The following POU6F2 variants were observed in gnomAD, a reference collection of about 807,000 sequenced individuals.
POU6F2 encodes POU class 6 homeobox 2, also known as POU domain, class 6, transcription factor 2.
In POU6F2, 31 loss-of-function variants were observed where a neutral mutation model predicts 71.3. That is an observed-to-expected ratio of 0.43 (90% CI 0.33 to 0.59). POU6F2 has a LOEUF of 0.59. POU6F2 is among the 20% of genes least tolerant of loss of function. The pLI, the probability that POU6F2 is intolerant of heterozygous loss-of-function variation, is 0.04. For synonymous variants in POU6F2, 347 were observed against 355.7 expected (o/e 0.98, Z 0.27); for missense variants, 783 against 856.8 (o/e 0.91, Z 1.07).
At position 39,226,392 on chromosome 7, in the gene POU6F2, T is replaced by C. The variant is rs555814429; in HGVS notation, c.598+18772T>C. Among the ~76,000 whole-genome samples, 3 of 152,338 alleles carry C rather than the reference T, an allele frequency of 2.0e-5. No homozygotes were observed. The South Asian group carries it at 6.2e-4, about 32-fold the overall frequency. On this transcript the variant is annotated intron_variant, in intron 4 of 9. Coordinates refer to ENST00000518318, the MANE Select transcript of POU6F2 (RefSeq NM_001370959.1). The stretch of plus-strand genomic sequence containing the variant: ...TCCTATAATATGACTCATTGCACTT[T>C]TTTCAGCTACTGTTGTTGAATGCAT...
rs35704977 is a variant in POU6F2 at position 39,291,015 on chromosome 7, G to GA, written c.599-48607dup. On this transcript the variant is annotated intron_variant, in intron 4 of 9. Transcript: ENST00000518318. Reference sequence around the variant, plus strand: ...CTAATATTTAGAGGCAAAGAGGACAGAAAAAAAAAAAAAAAAAAAAGCACA... The same window carrying GA: ...CTAATATTTAGAGGCAAAGAGGACAGAAAAAAAAAAAAAAAAAAAAAGCACA... Among the ~76,000 whole-genome samples, 309 of 122,370 alleles carry GA rather than the reference G, an allele frequency of 2.5e-3. 4 individuals are homozygous for GA. Among genetic ancestry groups the GA allele is most frequent in the African/African-American group, 9.0e-3 (288 of 31,952 alleles). The allele number at this position is 122,370 out of a possible 152,430, so 80.3% of individuals were successfully genotyped here.
chr7:39,419,094 TATATATACACATATATAC>T (rs1787778714), intron 6 of POU6F2, among the ~76,000 whole-genome samples: 1 of 74,192 alleles, frequency 1.3e-5, no homozygotes, highest in Non-Finnish European at 2.7e-5. Context: ...CGTATATGTG[TATATATACACATATATAC>T]GTATATATGT....
chr7:39,462,724 C>T (rs73370943), intron 9 of POU6F2, among the ~76,000 whole-genome samples: 1,555 of 152,294 alleles, frequency 0.01, 24 homozygotes, highest in African/African-American at 0.036. Flanking sequence ...GATCAGTTCA[C>T]TCTGTATTGA....
chr7:39,406,823 A>T (rs1190525472), intron 6 of POU6F2, 83 bp downstream of exon 6: 1 of 1,520,678 alleles, frequency 6.6e-7, no homozygotes, highest in Non-Finnish European at 9.0e-7. Flanking sequence ...CATGACAGTG[A>T]TATGTAACCG....
At chr7:39,360,163 T>C (rs1412318186) in intron 5 of POU6F2, among the ~76,000 whole-genome samples, 2 of 152,222 alleles carry the variant, frequency 1.3e-5, no homozygotes, top group African/African-American at 2.4e-5. Context: ...TTATTTAGAA[T>C]TGCATTTTCA....
intron 2 of POU6F2, among the ~76,000 whole-genome samples, chr7:39,150,455 A>G (rs901128139): frequency 6.8e-6 from 1 of 146,976 alleles, no homozygotes; most frequent in African/African-American, 2.5e-5. Context: ...CAGCTGTACC[A>G]AGCTACATTT....
At chr7:39,161,743 A>G (rs1793003223) in intron 2 of POU6F2, among the ~76,000 whole-genome samples, 1 of 152,204 alleles carries the variant, frequency 6.6e-6, no homozygotes, top group Non-Finnish European at 1.5e-5. Flanking sequence ...CAAATCAGGG[A>G]AGAACATCCG....
chr7:39,294,381 A>G (rs1784812771), intron 4 of POU6F2, among the ~76,000 whole-genome samples: 1 of 148,060 alleles, frequency 6.8e-6, no homozygotes, highest in Admixed American at 6.7e-5. Flanking sequence ...GGCAAAAACC[A>G]CAATTACTTT....
At chr7:39,333,396 G>T (rs1785698350) in intron 4 of POU6F2, among the ~76,000 whole-genome samples, 1 of 151,968 alleles carries the variant, frequency 6.6e-6, no homozygotes, top group African/African-American at 2.4e-5. Flanking sequence ...TCCAACCAAT[G>T]ATCTTGTTTC....
Position 39,014,003 on chromosome 7 carries a change from G to A in POU6F2, c.105+35945G>A, listed in dbSNP as rs1789404745. ...TTCAGAGGAATGAGAGAGTCCTCAT[G>A]AGTTGCAAAAAGAAAAACCATAGGC... On this transcript the variant is annotated intron_variant, in intron 1 of 9. Transcript: ENST00000518318. 2.6e-5 allele frequency among the ~76,000 whole-genome samples: 4 copies of A among 152,274 alleles called. No individual in the cohort carries two copies. In the South Asian group the frequency reaches 8.3e-4, roughly 32 times the overall value.
At chr7:39,232,407 A>C (rs1480780929) in intron 4 of POU6F2, among the ~76,000 whole-genome samples, 1 of 152,224 alleles carries the variant, frequency 6.6e-6, no homozygotes, top group African/African-American at 2.4e-5. Context: ...ATGAATGATC[A>C]AAGTTATCAA....
chr7:39,158,735 A>G (rs73365551), intron 2 of POU6F2, among the ~76,000 whole-genome samples: 2,619 of 152,240 alleles, frequency 0.017, 67 homozygotes, highest in African/African-American at 0.06. Flanking sequence ...GCCCACCCAC[A>G]TTGGATGAGG....
chr7:39,377,650 C>T (rs1222448227), intron 5 of POU6F2, among the ~76,000 whole-genome samples: 1 of 152,116 alleles, frequency 6.6e-6, no homozygotes, highest in South Asian at 2.1e-4. Context: ...CTCGCTGTGT[C>T]AACCTTGGGG....
At chr7:39,042,938 C>T (rs1230931541) in intron 1 of POU6F2, among the ~76,000 whole-genome samples, 1 of 151,872 alleles carries the variant, frequency 6.6e-6, no homozygotes, top group Non-Finnish European at 1.5e-5. Flanking sequence ...AGAGGCCTTG[C>T]CTTTGGAAGA....
chr7:39,424,077 A>G (rs1484220265), intron 6 of POU6F2, among the ~76,000 whole-genome samples: 3 of 152,204 alleles, frequency 2.0e-5, no homozygotes, highest in Admixed American at 6.5e-5. Context: ...CTGGTCACAG[A>G]CAGCTATCTT....
chr7:39,099,779 G>A (rs892236082), intron 2 of POU6F2, among the ~76,000 whole-genome samples: 1 of 152,166 alleles, frequency 6.6e-6, no homozygotes, highest in African/African-American at 2.4e-5. Context: ...GTTTAATAAT[G>A]AAAGCCCCTT....
chr7:39,287,228 C>G (rs949610112), intron 4 of POU6F2, among the ~76,000 whole-genome samples: 8 of 152,168 alleles, frequency 5.3e-5, no homozygotes, highest in Non-Finnish European at 2.9e-5. Context: ...CTTCCTCAAA[C>G]CAGCTCATCG....
chr7:39,133,901 G>C (rs997352406), intron 2 of POU6F2, among the ~76,000 whole-genome samples: 1 of 151,830 alleles, frequency 6.6e-6, no homozygotes, highest in Admixed American at 6.6e-5. Flanking sequence ...TTTTTAGACC[G>C]TCTCGCCCCA....
At position 39,434,142 on chromosome 7, in the gene POU6F2, C is replaced by G. The variant is rs549617537; in HGVS notation, c.1320+859C>G. Among the ~76,000 whole-genome samples the G allele has an allele frequency of 4.2e-4, 64 of 152,104 alleles. No individual in the cohort carries two copies. In the South Asian group the frequency reaches 0.011, roughly 26 times the overall value. On this transcript the variant is annotated intron_variant, in intron 7 of 9. Coordinates refer to ENST00000518318, the MANE Select transcript of POU6F2 (RefSeq NM_001370959.1). The stretch of plus-strand genomic sequence containing the variant: ...GAGATAATGGCTTGGGAATGGAGTC[C>G]GGACAGCTGGGTATGAGTTAACCAA...
Sources: allele counts gnomAD v4.1 joint callset (sites outside exome capture counted in the v4.1 genomes callset), GRCh38; gene constraint gnomAD v4.1.1; transcripts MANE v1.5; gene names NCBI Gene and HGNC (gene_info 2026-07-23, HGNC 2026-07-21).